MAP3K12: variants seen among roughly 807,000 people sequenced by gnomAD.
The protein encoded by MAP3K12 is MAPK-upstream kinase.
A neutral mutation model predicts 87.5 loss-of-function variants in MAP3K12; 14 were observed. That is an observed-to-expected ratio of 0.16 (90% CI 0.11 to 0.25). The LOEUF (loss-of-function observed/expected upper bound fraction) is 0.25. Among genes scored for constraint, MAP3K12 ranks in the 10% least tolerant of loss-of-function variants. The probability of loss-of-function intolerance (pLI) is 1.00; values close to 1 mark genes in which losing one functional copy is unlikely to be tolerated. For missense variants in MAP3K12, 802 were observed against 1,140.4 expected, an observed-to-expected ratio of 0.70 and a Z score of 4.27; for synonymous variants, 469 against 452.5, an observed-to-expected ratio of 1.04 and a Z score of -0.46.
intron 1 of MAP3K12, among the ~76,000 whole-genome samples, chr12:53,490,000 A>C (rs1175303106): frequency 6.6e-6 from 1 of 152,160 alleles, no homozygotes; most frequent in African/African-American, 2.4e-5. Flanking sequence ...CTTCAGAAGG[A>C]TCTTTCTAAA....
At chr12:53,491,601 T>G (rs746276401) in intron 1 of MAP3K12, among the ~76,000 whole-genome samples, 5 of 151,382 alleles carry the variant, frequency 3.3e-5, no homozygotes, top group African/African-American at 1.2e-4. Flanking sequence ...GCCCGGCTAA[T>G]TTTTTCTGTG....
In MAP3K12 at chr12:53,479,671, G is replaced by GTTTTTGTTTTTTTTTGGT; in HGVS notation, c.*1510_*1511insACCAAAAAAAAACAAAAA. On this transcript the variant is annotated 3_prime_UTR_variant, in exon 14 of 14. Coordinates refer to ENST00000547488, the MANE Select transcript of MAP3K12 (RefSeq NM_001193511.2). Reference sequence around the variant, plus strand: ...ATTTAGTTTTATAAGCTTCTCCCTGGTTTTTTTTTTTTGGCTCATGAATTT... The same window carrying GTTTTTGTTTTTTTTTGGT: ...ATTTAGTTTTATAAGCTTCTCCCTGGTTTTTGTTTTTTTTTGGTTTTTTTTTTTTTGGCTCATGAATTT... The GTTTTTGTTTTTTTTTGGT allele has an allele frequency of 4.9e-6, 1 of 202,218 alleles. No homozygotes were observed. Among genetic ancestry groups the GTTTTTGTTTTTTTTTGGT allele is most frequent in the Non-Finnish European group, 9.4e-6 (1 of 106,084 alleles). The allele number at this position is 202,218 out of a possible 1,614,324, so 12.5% of individuals were successfully genotyped here. A position where few individuals can be genotyped will look rare whatever the true frequency, so the allele number is the denominator to read the frequency against.
rs567127375 is a variant in MAP3K12, at chr12:53,489,243, T to C, written c.-37-1815A>G. Among the ~76,000 whole-genome samples, 3 of 152,164 alleles carry C rather than the reference T, an allele frequency of 2.0e-5. No homozygotes were observed. In the East Asian group the frequency reaches 5.8e-4, roughly 29 times the overall value. ...TCCTCTGGAGGCTGAGGTGAGATGA[T>C]TGCTTGAGCCCAGGTGGCGGAGGTT... On this transcript the variant is annotated intron_variant, in intron 1 of 13. Coordinates refer to ENST00000547488, the MANE Select transcript of MAP3K12 (RefSeq NM_001193511.2).
chr12:53,497,880 G>A (rs1327808474), intron 1 of MAP3K12, among the ~76,000 whole-genome samples: 2 of 152,158 alleles, frequency 1.3e-5, no homozygotes, highest in Admixed American at 6.5e-5. Flanking sequence ...GCTGTGAGTG[G>A]TAGAACCAAG....
rs1366065513 is a variant in MAP3K12, at chr12:53,486,740, T to C, written c.446-118A>G. The C allele has an allele frequency of 5.5e-6, 8 of 1,453,064 alleles. No individual in the cohort carries two copies. The African/African-American group carries it at 5.7e-5, about 10-fold the overall frequency. The allele number at this position is 1,453,064 out of a possible 1,614,324, so 90.0% of individuals were successfully genotyped here. Reference sequence around the variant, plus strand: ...GGAGGGTGAGGCAGAAAGCCAAAAATAGGCCAAGAAGAAGGTTCGAGGGGA... The same window carrying C: ...GGAGGGTGAGGCAGAAAGCCAAAAACAGGCCAAGAAGAAGGTTCGAGGGGA... On this transcript the variant is annotated intron_variant, in intron 2 of 13. Coordinates refer to ENST00000547488, the MANE Select transcript of MAP3K12 (RefSeq NM_001193511.2). This position sits in a 1 kb window ranked among gnomAD's most constrained non-coding sequence, Gnocchi z 4.9.
chr12:53,501,285 C>T, upstream of MAP3K12: 3 of 1,029,890 alleles, frequency 2.9e-6, no homozygotes, highest in Non-Finnish European at 4.3e-6. Context: ...CATATCCCAG[C>T]GTGCCCCGCG....
Position 53,484,847 on chromosome 12 carries a change from A to G in MAP3K12, c.1139+209T>C, listed in dbSNP as rs1047682862. On this transcript the variant is annotated intron_variant, in intron 6 of 13. Transcript: ENST00000547488. ...ACAAATCAGGAATGCAGATATCGTTAAGTGTATTTTATAGATGAGGAAACA... is the reference window on the plus strand; with the variant it reads ...ACAAATCAGGAATGCAGATATCGTTGAGTGTATTTTATAGATGAGGAAACA... 2.0e-5 allele frequency: 12 copies of G among 614,342 alleles called. No individual in the cohort carries two copies. In the African/African-American group the frequency reaches 2.2e-4, roughly 11 times the overall value. The allele number at this position is 614,342 out of a possible 1,614,324, so 38.1% of individuals were successfully genotyped here.
intron 7 of MAP3K12, 76 bp downstream of exon 7, chr12:53,484,181 C>A (rs889776582): frequency 1.4e-6 from 2 of 1,442,694 alleles, no homozygotes; most frequent in African/African-American, 2.8e-5. Context: ...CAACCCATTT[C>A]CCAGCCTCCC....
intron 1 of MAP3K12, among the ~76,000 whole-genome samples, chr12:53,494,500 C>G (rs1459443607): frequency 1.3e-5 from 2 of 152,134 alleles, no homozygotes; most frequent in Non-Finnish European, 2.9e-5. Flanking sequence ...ATCCCACCTT[C>G]TAGGTTCTCT....
chr12:53,500,687 C>T (rs375045005), upstream of MAP3K12: 5 of 152,768 alleles, frequency 3.3e-5, no homozygotes, highest in East Asian at 9.6e-4. Context: ...GATCGGTCCC[C>T]TCCGGCGTCT....
In MAP3K12 at chr12:53,484,006, T is replaced by G; in HGVS notation, c.1263A>C (p.Glu421Asp). The change falls in exon 8 of 14, where the codon GAA (glutamate) becomes GAC (aspartate). Residue 421 changes from glutamate to aspartate, a missense_variant. Around this residue, in one of 5 missense-constraint regions of MAP3K12, gnomAD observed 99 missense variants for 193.4 expected, o/e 0.51. Transcript: ENST00000547488. Reference sequence around the variant, plus strand: ...TCTTTTCAAAGTGCAGTTTTACTTCTTCCCGCCACTCTGCCTATGGGTTGA... The same window carrying G: ...TCTTTTCAAAGTGCAGTTTTACTTCGTCCCGCCACTCTGCCTATGGGTTGA... Reference protein sequence around the residue: ...TYFKSQAEWREEVKLHFEKIK... With the variant: ...TYFKSQAEWRDEVKLHFEKIK... The G allele has an allele frequency of 6.2e-7, 1 of 1,612,952 alleles. No homozygotes were observed. Among genetic ancestry groups the G allele is most frequent in the Non-Finnish European group, 8.5e-7 (1 of 1,179,326 alleles).
intron 1 of MAP3K12, chr12:53,493,962 A>G (rs934624721): frequency 7.2e-5 from 11 of 152,466 alleles, no homozygotes; most frequent in African/African-American, 2.4e-4. Flanking sequence ...ATCTCAGGCT[A>G]GTTGACGGCT....
intron 1 of MAP3K12, 116 bp from the exon 2 acceptor site, chr12:53,487,544 G>T (rs1327920905): frequency 6.9e-6 from 7 of 1,020,050 alleles, no homozygotes; most frequent in Admixed American, 5.9e-5. Flanking sequence ...CCCGCTGGAG[G>T]TAACACTTGT....
At chr12:53,501,447 C>T (rs1216416067), upstream of MAP3K12, 4 of 1,568,918 alleles carry the variant, frequency 2.5e-6, no homozygotes, top group African/African-American at 1.4e-5. Flanking sequence ...CTACCACGGG[C>T]TGCGGGCTGC....
chr12:53,485,607 GT>G (rs1197838841), intron 4 of MAP3K12, 132 bp from the exon 5 acceptor site: 1 of 1,019,562 alleles, frequency 9.8e-7, no homozygotes, highest in African/African-American at 1.6e-5. Flanking sequence ...TCAGGCTGGA[GT>G]GCAGTGGCTC....
At chr12:53,495,278 G>A (rs1943520003) in intron 1 of MAP3K12, among the ~76,000 whole-genome samples, 1 of 139,378 alleles carries the variant, frequency 7.2e-6, no homozygotes, top group South Asian at 2.4e-4. Context: ...GGCGGAGCCT[G>A]CAGTGAGCCG....
Position 53,483,503 on chromosome 12 carries a change from C to T in MAP3K12, c.1476-17G>A, listed in dbSNP as rs1456228886. The T allele has an allele frequency of 6.2e-7, 1 of 1,614,004 alleles. No homozygotes were observed. The highest frequency in any genetic ancestry group is 1.1e-5 in the South Asian group (1 of 91,060). ...TGCTCTCGCCTAAAGATCCAGGCAC[C>T]TTCTCAGCTGGGCAAATGACCAGGA... On this transcript the variant is annotated splice_polypyrimidine_tract_variant and intron_variant, in intron 9 of 13. Coordinates refer to ENST00000547488, the MANE Select transcript of MAP3K12 (RefSeq NM_001193511.2).
intron 10 of MAP3K12, 24 bp from the exon 11 acceptor site, chr12:53,483,213 G>GGT: frequency 6.5e-7 from 1 of 1,532,732 alleles, no homozygotes; most frequent in African/African-American, 1.4e-5. Context: ...AAAAGTAAAA[G>GGT]GTTAAGACTG....
chr12:53,490,757 AAAAATT>A (rs1943376573), intron 1 of MAP3K12, among the ~76,000 whole-genome samples: 1 of 151,602 alleles, frequency 6.6e-6, no homozygotes, highest in Non-Finnish European at 1.5e-5. Flanking sequence ...AAAAAAAAAA[AAAAATT>A]AGCTGAGTGT....
Sources: allele counts gnomAD v4.1 joint callset (sites outside exome capture counted in the v4.1 genomes callset), GRCh38; gene constraint gnomAD v4.1.1; regional missense constraint gnomAD v4.1.1; non-coding constraint Gnocchi (gnomAD v3.1); transcripts MANE v1.5; gene names NCBI Gene and HGNC (gene_info 2026-07-23, HGNC 2026-07-21).